NCBP3: variants seen among roughly 807,000 people sequenced by gnomAD.
The protein encoded by NCBP3 is nuclear cap-binding protein subunit 3.
In NCBP3, 20 loss-of-function variants were observed where a neutral mutation model predicts 75.7. That is an observed-to-expected ratio of 0.26 (90% CI 0.19 to 0.38). The LOEUF is 0.38. Among genes scored for constraint, NCBP3 ranks in the 10% least tolerant of loss-of-function variants. The pLI, the probability that NCBP3 is intolerant of heterozygous loss-of-function variation, is 1.00. For missense variants in NCBP3, 678 were observed against 796.9 expected, an observed-to-expected ratio of 0.85 and a Z score of 1.80; for synonymous variants, 293 against 290.5, an observed-to-expected ratio of 1.01 and a Z score of -0.09.
intron 7 of NCBP3, chr17:3,824,688 T>C (rs2053751973): frequency 4.3e-6 from 1 of 234,904 alleles, no homozygotes; most frequent in African/African-American, 2.3e-5. Flanking sequence ...GCTGAAAATA[T>C]ATGAGGCAAA....
At chr17:3,827,369 C>T (rs7212687) in intron 4 of NCBP3, among the ~76,000 whole-genome samples, 12,255 of 152,232 alleles carry the variant, frequency 0.081, 624 homozygotes, top group Non-Finnish European at 0.12. Context: ...CTTTGCTGCT[C>T]CTTGTCAGGA....
In NCBP3 at chr17:3,814,495, G is replaced by C. The variant is rs1022453085; in HGVS notation, c.1466-12C>G. 1 of 1,613,468 alleles carries C rather than the reference G, an allele frequency of 6.2e-7. No homozygotes were observed. Among genetic ancestry groups the C allele is most frequent in the Non-Finnish European group, 8.5e-7 (1 of 1,179,830 alleles). ...CCGCTGGCGTATATCTGAAAAAAGA[G>C]AAAAAGTGCACCAGTGACCGTGTGT... On this transcript the variant is annotated splice_polypyrimidine_tract_variant and intron_variant, in intron 11 of 12. Transcript: ENST00000389005.
intron 4 of NCBP3, among the ~76,000 whole-genome samples, chr17:3,827,005 C>T (rs566198085): frequency 1.5e-5 from 2 of 129,142 alleles, no homozygotes; most frequent in African/African-American, 6.2e-5. Flanking sequence ...GAGCGAGACT[C>T]TGTCAAGAAA....
At chr17:3,830,278 T>C (rs2567859) in intron 3 of NCBP3, among the ~76,000 whole-genome samples, 1,684 of 152,288 alleles carry the variant, frequency 0.011, 33 homozygotes, top group African/African-American at 0.038. Flanking sequence ...CGATTTCTAA[T>C]AACCCAGTAG....
chr17:3,831,396 C>A (rs1387815350), intron 3 of NCBP3, among the ~76,000 whole-genome samples: 1 of 151,424 alleles, frequency 6.6e-6, no homozygotes, highest in Non-Finnish European at 1.5e-5. Flanking sequence ...CATGGTGAAA[C>A]CCCATCTCTA....
intron 3 of NCBP3, among the ~76,000 whole-genome samples, chr17:3,839,450 C>G (rs1336028673): frequency 6.6e-6 from 1 of 152,072 alleles, no homozygotes; most frequent in African/African-American, 2.4e-5. Flanking sequence ...CAGGTTCAAG[C>G]GATTCTCACG....
Position 3,816,215 on chromosome 17 carries a change from T to C in NCBP3, c.1366A>G (p.Asn456Asp), listed in dbSNP as rs780561939. The C allele has an allele frequency of 8.1e-6, 13 of 1,614,188 alleles. No homozygotes were observed. Among genetic ancestry groups the C allele is most frequent in the Middle Eastern group, 1.6e-4 (1 of 6,062 alleles). Residue 456 changes from asparagine to aspartate, a missense_variant, in exon 11 of 13, where the codon AAC becomes GAC. Transcript: ENST00000389005. Reference sequence around the variant, plus strand: ...GCAAATTTCTCAGGTGGTAATTTGTTACCAATTCGGTTTTTGATATTGCTT... The same window carrying C: ...GCAAATTTCTCAGGTGGTAATTTGTCACCAATTCGGTTTTTGATATTGCTT... ...SSSNIKNRIG[N>D]KLPPEKFADV...
At chr17:3,821,143 G>A (rs2053655133) in intron 9 of NCBP3, 106 bp downstream of exon 9, 1 of 771,930 alleles carries the variant, frequency 1.3e-6, no homozygotes, top group Non-Finnish European at 2.2e-6. Flanking sequence ...TGAGGGCAAG[G>A]AAGAGAGGAT....
At chr17:3,819,559 CA>C (rs554652960) in intron 9 of NCBP3, among the ~76,000 whole-genome samples, 17,492 of 118,852 alleles carry the variant, frequency 0.15, 1,784 homozygotes, top group African/African-American at 0.33. Context: ...GACTCTGTCT[CA>C]AAAAAAAAAA....
At chr17:3,838,801 G>T (rs2054018508) in intron 3 of NCBP3, among the ~76,000 whole-genome samples, 1 of 152,140 alleles carries the variant, frequency 6.6e-6, no homozygotes, top group African/African-American at 2.4e-5. Context: ...TACAGTTGTT[G>T]TGAGCAACAA....
chr17:3,836,716 T>C (rs2053978733), intron 3 of NCBP3, among the ~76,000 whole-genome samples: 3 of 151,902 alleles, frequency 2.0e-5, no homozygotes, highest in Admixed American at 2.0e-4. Flanking sequence ...AAACTGAGAT[T>C]TTTAGAGGCT....
rs7221682 is a variant in NCBP3 at position 3,803,503 on chromosome 17, T to C, written c.*9541A>G. On this transcript the variant is annotated 3_prime_UTR_variant, in exon 13 of 13. Coordinates refer to ENST00000389005, the MANE Select transcript of NCBP3 (RefSeq NM_001114118.3). ...TGTACCATGGGCATGTGAGAGGCTG[T>C]CCCTGTTCTTGGGAAATGTTCACTA... is the stretch of plus-strand genomic sequence containing the variant. 9 of 152,342 alleles carry C rather than the reference T, an allele frequency of 5.9e-5. No individual in the cohort carries two copies. The highest frequency in any genetic ancestry group is 2.2e-4 in the African/African-American group (9 of 41,572). The allele number at this position is 152,342 out of a possible 1,614,324, so 9.4% of individuals were successfully genotyped here.
chr17:3,834,008 C>T (rs917754228), intron 3 of NCBP3, among the ~76,000 whole-genome samples: 2 of 152,096 alleles, frequency 1.3e-5, no homozygotes, highest in Non-Finnish European at 2.9e-5. Flanking sequence ...TTCCAAGAAC[C>T]GAGAAGGCCC....
intron 9 of NCBP3, among the ~76,000 whole-genome samples, chr17:3,819,928 T>A (rs1464053100): frequency 6.6e-6 from 1 of 152,188 alleles, no homozygotes; most frequent in Non-Finnish European, 1.5e-5. Flanking sequence ...TGGAAAAGTG[T>A]AACTGTGTAA....
At chr17:3,814,514 C>CA (rs1439410189) in intron 11 of NCBP3, 31 bp from the exon 12 acceptor site, 2 of 1,610,456 alleles carry the variant, frequency 1.2e-6, no homozygotes, top group African/African-American at 2.7e-5. Context: ...CACCAGTGAC[C>CA]GTGTGTGTGC....
At chr17:3,837,727 C>A (rs1473274045) in intron 3 of NCBP3, among the ~76,000 whole-genome samples, 1 of 139,598 alleles carries the variant, frequency 7.2e-6, no homozygotes, top group Non-Finnish European at 1.5e-5. Context: ...GAGCAAGCCT[C>A]TGTCTCAAAA....
intron 11 of NCBP3, among the ~76,000 whole-genome samples, chr17:3,814,944 C>A (rs907551991): frequency 6.6e-6 from 1 of 152,114 alleles, no homozygotes; most frequent in Non-Finnish European, 1.5e-5. Flanking sequence ...CCCCAGAAAT[C>A]GGCCTGTCCT....
At chr17:3,816,721 T>A (rs2053540317) in intron 10 of NCBP3, among the ~76,000 whole-genome samples, 1 of 152,230 alleles carries the variant, frequency 6.6e-6, no homozygotes, top group Non-Finnish European at 1.5e-5. Flanking sequence ...GGCAGCATTC[T>A]CTACCAGAAA....
intron 1 of NCBP3, among the ~76,000 whole-genome samples, chr17:3,845,206 A>G (rs899813797): frequency 6.6e-6 from 1 of 152,182 alleles, no homozygotes; most frequent in African/African-American, 2.4e-5. Flanking sequence ...GTTGTTAATC[A>G]TAATTATAAC....
Sources: gnomAD v4.1 joint callset for allele counts (sites outside exome capture counted in the v4.1 genomes callset) on GRCh38, gnomAD v4.1.1 for gene constraint, MANE v1.5 for transcripts, NCBI Gene and HGNC (gene_info 2026-07-23, HGNC 2026-07-21) for gene names.